Variants in CHRM2 observed in about 807,000 individuals in gnomAD.
CHRM2 encodes muscarinic acetylcholine receptor M2.
CHRM2 carries 8 observed loss-of-function variants against 25.0 expected under a neutral mutation model. The ratio of observed to expected loss-of-function variants is 0.32; its 90% CI spans 0.19 to 0.58. CHRM2 has a LOEUF of 0.58. CHRM2 is among the 20% of genes least tolerant of loss of function. The pLI, the probability that CHRM2 is intolerant of heterozygous loss-of-function variation, is 0.88. For synonymous variants in CHRM2, 202 were observed against 205.7 expected (o/e 0.98, Z 0.15); for missense variants, 440 against 567.1 (o/e 0.78, Z 2.28).
At chr7:136,892,671 CTTT>C (rs5887814) in intron 2 of CHRM2, among the ~76,000 whole-genome samples, 18 of 140,178 alleles carry the variant, frequency 1.3e-4, no homozygotes, top group Non-Finnish European at 1.7e-4. Flanking sequence ...ATTAAAAGTT[CTTT>C]TTTTTTTTTT....
intron 3 of CHRM2, among the ~76,000 whole-genome samples, chr7:137,010,159 A>C (rs1205514184): frequency 6.6e-6 from 1 of 152,118 alleles, no homozygotes; most frequent in Non-Finnish European, 1.5e-5. Flanking sequence ...CGAAATTTAA[A>C]TGACATGCTC....
Position 136,998,064 on chromosome 7 carries a change from C to T in CHRM2, c.-47+5800C>T, listed in dbSNP as rs1359117756. Among the ~76,000 whole-genome samples, 4 of 152,194 alleles carry T rather than the reference C, an allele frequency of 2.6e-5. No homozygotes were observed. In the East Asian group the frequency reaches 7.7e-4, roughly 29 times the overall value. ...ACAAATGAACTTGCCAAGTAAATTG[C>T]TTTCCTTCTCTAATATATGATCTCT... On this transcript the variant is annotated intron_variant, in intron 3 of 3. Coordinates refer to ENST00000680005, the MANE Select transcript of CHRM2 (RefSeq NM_001006630.2).
chr7:136,898,558 C>G (rs1797028959), intron 2 of CHRM2, among the ~76,000 whole-genome samples: 1 of 151,648 alleles, frequency 6.6e-6, no homozygotes, highest in African/African-American at 2.4e-5. Flanking sequence ...ACAGATTATG[C>G]AGAGACCTGA....
intron 2 of CHRM2, among the ~76,000 whole-genome samples, chr7:136,965,663 A>G (rs953938428): frequency 2.6e-5 from 4 of 152,036 alleles, no homozygotes; most frequent in Non-Finnish European, 5.9e-5. Flanking sequence ...AGACACAAAA[A>G]TTAATTTGAA....
At chr7:136,997,312 G>A (rs1200333751) in intron 3 of CHRM2, among the ~76,000 whole-genome samples, 1 of 152,108 alleles carries the variant, frequency 6.6e-6, no homozygotes, top group Non-Finnish European at 1.5e-5. Context: ...TTTGACAATG[G>A]AAAATATATT....
At chr7:136,910,206 G>T (rs1045686839) in intron 2 of CHRM2, among the ~76,000 whole-genome samples, 5 of 151,836 alleles carry the variant, frequency 3.3e-5, no homozygotes, top group Admixed American at 3.3e-4. Context: ...TTAATGCATT[G>T]CCAGGTTCCT....
intron 2 of CHRM2, among the ~76,000 whole-genome samples, chr7:136,939,316 G>A (rs903487036): frequency 4.5e-4 from 69 of 152,266 alleles, no homozygotes; most frequent in Non-Finnish European, 9.9e-4. Flanking sequence ...TTCATTCAGG[G>A]CTTTACTGGT....
intron 2 of CHRM2, among the ~76,000 whole-genome samples, chr7:136,984,718 C>T (rs1024516355): frequency 6.6e-6 from 1 of 152,050 alleles, no homozygotes; most frequent in African/African-American, 2.4e-5. Context: ...TGACCCCTTG[C>T]ACTTCCTGGG....
At chr7:136,910,077 G>T (rs528904250) in intron 2 of CHRM2, among the ~76,000 whole-genome samples, 12 of 151,912 alleles carry the variant, frequency 7.9e-5, no homozygotes, top group African/African-American at 2.9e-4. Context: ...GGTTGGGCTG[G>T]AGCTAGGGCC....
intron 3 of CHRM2, among the ~76,000 whole-genome samples, chr7:137,000,547 A>AGAAGGAAGGAAAG (rs1554434052): frequency 1.1e-5 from 1 of 95,174 alleles, no homozygotes; most frequent in African/African-American, 3.6e-5. Flanking sequence ...AAAGAAAGAA[A>AGAAGGAAGGAAAG]GAAGGAAGGA....
chr7:136,970,202 G>A (rs949906496), intron 2 of CHRM2, among the ~76,000 whole-genome samples: 2 of 152,144 alleles, frequency 1.3e-5, no homozygotes, highest in African/African-American at 4.8e-5. Context: ...AAATGTGCCT[G>A]TATGATGGTC....
rs191204793 is a variant in CHRM2 at position 136,980,613 on chromosome 7, G to A, written c.-124-11574G>A. The stretch of plus-strand genomic sequence containing the variant: ...AATAGCTCTTATTATTTTGAGATGC[G>A]TTCCATCAATACCTAGTTTATGAGT... On this transcript the variant is annotated intron_variant, in intron 2 of 3. Transcript: ENST00000680005. 4.8e-3 allele frequency among the ~76,000 whole-genome samples: 737 copies of A among 152,180 alleles called. 6 individuals carry two copies. The highest frequency in any genetic ancestry group is 0.016 in the African/African-American group (656 of 41,518).
At chr7:136,877,061 ATT>A (rs1295783612) in intron 2 of CHRM2, among the ~76,000 whole-genome samples, 3 of 152,094 alleles carry the variant, frequency 2.0e-5, no homozygotes, top group Non-Finnish European at 4.4e-5. Flanking sequence ...ACAGGACTAC[ATT>A]TTAAATAACA....
At chr7:136,874,486 T>C (rs1795967118) in intron 2 of CHRM2, among the ~76,000 whole-genome samples, 1 of 152,042 alleles carries the variant, frequency 6.6e-6, no homozygotes, top group African/African-American at 2.4e-5. Context: ...CTCAGTTTTC[T>C]CATTTTCTTT....
intron 2 of CHRM2, among the ~76,000 whole-genome samples, chr7:136,952,575 A>C: frequency 1.1e-5 from 1 of 87,270 alleles, no homozygotes; most frequent in East Asian, 2.4e-4. Flanking sequence ...ATCTTTTTTA[A>C]AACTTTTTTT....
chr7:136,887,383 G>T (rs1796508955), intron 2 of CHRM2, among the ~76,000 whole-genome samples: 1 of 151,652 alleles, frequency 6.6e-6, no homozygotes, highest in Admixed American at 6.6e-5. Context: ...AGGAAATTTA[G>T]AATTGTCAAT....
At chr7:136,882,599 A>G (rs1216555911) in intron 2 of CHRM2, among the ~76,000 whole-genome samples, 1 of 152,104 alleles carries the variant, frequency 6.6e-6, no homozygotes, top group Non-Finnish European at 1.5e-5. Context: ...TGTTGGTTTC[A>G]TAATACTGAG....
chr7:136,945,556 C>T (rs1671170456), intron 2 of CHRM2, among the ~76,000 whole-genome samples: 1 of 152,036 alleles, frequency 6.6e-6, no homozygotes, highest in Admixed American at 6.6e-5. Context: ...GGCTTTATTT[C>T]TGGGTTCTCT....
At chr7:137,010,753 A>T (rs1446814580) in intron 3 of CHRM2, among the ~76,000 whole-genome samples, 2 of 152,054 alleles carry the variant, frequency 1.3e-5, no homozygotes, top group African/African-American at 4.8e-5. Context: ...GTTTGTTAAC[A>T]TTACATAAAT....
Sources: gnomAD v4.1 joint callset for allele counts (sites outside exome capture counted in the v4.1 genomes callset) on GRCh38, gnomAD v4.1.1 for gene constraint, MANE v1.5 for transcripts, NCBI Gene and HGNC (gene_info 2026-07-23, HGNC 2026-07-21) for gene names.